The following DLGAP2 variants were observed in gnomAD, a reference collection of about 807,000 sequenced individuals.
DLGAP2 encodes the protein DLG associated protein 2.
In DLGAP2, 26 loss-of-function variants were observed where a neutral mutation model predicts 100.3. The observed-to-expected ratio is 0.26, with a 90% CI of 0.19 to 0.36. The LOEUF is 0.36. Among genes scored for constraint, DLGAP2 ranks in the 10% least tolerant of loss-of-function variants. DLGAP2 has a pLI of 1.00. For synonymous variants in DLGAP2, 886 were observed against 630.1 expected, an observed-to-expected ratio of 1.41 and a Z score of -6.08; for missense variants, 1,858 against 1,453.2, an observed-to-expected ratio of 1.28 and a Z score of -4.53.
At chr8:1,252,762 C>T (rs1250920920) in intron 2 of DLGAP2, among the ~76,000 whole-genome samples, 4 of 152,258 alleles carry the variant, frequency 2.6e-5, no homozygotes, top group Admixed American at 1.3e-4. Flanking sequence ...CCTGTTGAAG[C>T]GCGGCCGGAT....
At chr8:1,333,999 C>A (rs973894805) in intron 3 of DLGAP2, among the ~76,000 whole-genome samples, 13 of 152,332 alleles carry the variant, frequency 8.5e-5, no homozygotes, top group Admixed American at 8.5e-4. Context: ...CTGAGGGCAC[C>A]ATGCCGGGGA....
At chr8:1,561,790 T>C (rs1376126340) in intron 5 of DLGAP2, among the ~76,000 whole-genome samples, 1 of 49,342 alleles carries the variant, frequency 2.0e-5, no homozygotes, top group African/African-American at 9.0e-5. Context: ...GGGGACTGTG[T>C]GGTGTTGGGG....
intron 4 of DLGAP2, among the ~76,000 whole-genome samples, chr8:1,531,183 G>T (rs555994470): frequency 5.5e-4 from 83 of 151,676 alleles, no homozygotes; most frequent in Non-Finnish European, 1.1e-3. Context: ...AAAAAAGCAG[G>T]CAACTGGTTA....
At chr8:1,578,453 C>A (rs1178941273) in intron 6 of DLGAP2, among the ~76,000 whole-genome samples, 1 of 152,154 alleles carries the variant, frequency 6.6e-6, no homozygotes, top group Non-Finnish European at 1.5e-5. Context: ...GTCAGCAGTT[C>A]TTTTTTGACT....
At chr8:1,179,459 G>A (rs1418420428) in intron 2 of DLGAP2, among the ~76,000 whole-genome samples, 1 of 152,222 alleles carries the variant, frequency 6.6e-6, no homozygotes, top group Non-Finnish European at 1.5e-5. Flanking sequence ...ACACCTTCAG[G>A]AGCGTCCCCA....
intron 3 of DLGAP2, among the ~76,000 whole-genome samples, chr8:1,493,321 G>A (rs1247765042): frequency 6.6e-6 from 1 of 152,054 alleles, no homozygotes; most frequent in Non-Finnish European, 1.5e-5. Context: ...CATCTCCGTG[G>A]CTTTCAGACA....
At chr8:1,048,221 C>G (rs2129032280) in intron 2 of DLGAP2, among the ~76,000 whole-genome samples, 1 of 152,288 alleles carries the variant, frequency 6.6e-6, no homozygotes. Context: ...TCGCTCAGAA[C>G]TGTGCCCGGC....
chr8:1,626,714 C>G (rs761168452), intron 6 of DLGAP2, 26 bp from the exon 7 acceptor site: 49 of 1,577,772 alleles, frequency 3.1e-5, no homozygotes, highest in Non-Finnish European at 4.0e-5. Flanking sequence ...CACAGAATGC[C>G]TTTTCTCCTT....
chr8:1,204,328 C>T (rs750988706), intron 2 of DLGAP2, among the ~76,000 whole-genome samples: 26 of 152,326 alleles, frequency 1.7e-4, no homozygotes, highest in Non-Finnish European at 3.2e-4. Flanking sequence ...AGAACAATTA[C>T]AGGCCATGGT....
chr8:1,506,142 A>G (rs973756064), intron 4 of DLGAP2, among the ~76,000 whole-genome samples: 2 of 152,170 alleles, frequency 1.3e-5, no homozygotes, highest in African/African-American at 2.4e-5. Flanking sequence ...AATCATCTCC[A>G]CAGCATTTAA....
At chr8:1,349,736 A>G (rs1801663481) in intron 3 of DLGAP2, among the ~76,000 whole-genome samples, 1 of 152,054 alleles carries the variant, frequency 6.6e-6, no homozygotes, top group Non-Finnish European at 1.5e-5. Flanking sequence ...ATCCACACAC[A>G]GGTAGGAAGA....
At chr8:1,483,255 C>G (rs1015336627) in intron 3 of DLGAP2, among the ~76,000 whole-genome samples, 4 of 152,174 alleles carry the variant, frequency 2.6e-5, no homozygotes, top group Non-Finnish European at 5.9e-5. Context: ...GAGGAAGTGA[C>G]CCAGCCCAGG....
At chr8:1,660,146 CT>C (rs1482088630) in intron 8 of DLGAP2, among the ~76,000 whole-genome samples, 4 of 152,106 alleles carry the variant, frequency 2.6e-5, no homozygotes, top group Admixed American at 6.6e-5. Context: ...GTTGAAAATT[CT>C]TTAAGAATGT....
intron 3 of DLGAP2, among the ~76,000 whole-genome samples, chr8:1,322,994 A>T (rs988535457): frequency 3.3e-5 from 5 of 151,834 alleles, no homozygotes; most frequent in African/African-American, 4.8e-5. Flanking sequence ...GCCCCATAGA[A>T]TAAGTGCTTA....
intron 2 of DLGAP2, among the ~76,000 whole-genome samples, chr8:1,234,780 C>T (rs879415625): frequency 2.6e-5 from 4 of 152,316 alleles, no homozygotes; most frequent in South Asian, 4.1e-4. Flanking sequence ...CTCTGCCTTG[C>T]GCAACTGGGG....
At chr8:1,499,887 A>G (rs2130316083) in intron 3 of DLGAP2, among the ~76,000 whole-genome samples, 1 of 149,340 alleles carries the variant, frequency 6.7e-6, no homozygotes, top group South Asian at 2.1e-4. Context: ...TTGTTGAATC[A>G]GAGATGGTGA....
At chr8:760,726 C>A (rs1335765891) in intron 1 of DLGAP2, among the ~76,000 whole-genome samples, 1 of 152,132 alleles carries the variant, frequency 6.6e-6, no homozygotes, top group African/African-American at 2.4e-5. Flanking sequence ...TCAGGCATGT[C>A]CCTCAGTGCA....
intron 3 of DLGAP2, among the ~76,000 whole-genome samples, chr8:1,319,123 A>G (rs749979089): frequency 2.0e-5 from 3 of 152,056 alleles, no homozygotes; most frequent in Non-Finnish European, 4.4e-5. Context: ...CTGGAGGGCC[A>G]AGCTCAGCTG....
At chr8:940,882 C>T (rs960803608) in intron 2 of DLGAP2, among the ~76,000 whole-genome samples, 1 of 151,936 alleles carries the variant, frequency 6.6e-6, no homozygotes, top group Non-Finnish European at 1.5e-5. Flanking sequence ...TCAGGCTGCT[C>T]GGGAGGCTGA....
Sources: gnomAD v4.1 joint callset for allele counts (sites outside exome capture counted in the v4.1 genomes callset) on GRCh38, gnomAD v4.1.1 for gene constraint, MANE v1.5 for transcripts, NCBI Gene and HGNC (gene_info 2026-07-23, HGNC 2026-07-21) for gene names.